Variants in ANKAR observed in about 807,000 individuals in gnomAD.
The protein encoded by ANKAR is ankyrin and armadillo repeat-containing protein.
A neutral mutation model predicts 146.2 loss-of-function variants in ANKAR; 136 were observed. The ratio of observed to expected loss-of-function variants is 0.93; its 90% CI spans 0.81 to 1.07. ANKAR has a LOEUF of 1.07. Ranked by LOEUF, ANKAR falls within the 50% of genes least tolerant of loss-of-function variation. ANKAR has a pLI of 0.00. For synonymous variants in ANKAR, 500 were observed against 575.8 expected (o/e 0.87, Z 1.88); for missense variants, 1,567 against 1,679.9 (o/e 0.93, Z 1.18).
chr2:189,721,936 C>T (rs2041289913), intron 12 of ANKAR, among the ~76,000 whole-genome samples: 1 of 152,160 alleles, frequency 6.6e-6, no homozygotes, highest in South Asian at 2.1e-4. Context: ...TTTCTAAGAA[C>T]CTCTATCGTG....
intron 22 of ANKAR, among the ~76,000 whole-genome samples, chr2:189,745,030 A>ACTACTACTACTACTACTAC (rs1380926394): frequency 0.041 from 2,668 of 65,048 alleles, 74 homozygotes; most frequent in East Asian, 0.13. Flanking sequence ...ACTACTACTA[A>ACTACTACTACTACTACTAC]TAATACAAAA....
At chr2:189,745,051 C>T (rs927979435) in intron 22 of ANKAR, among the ~76,000 whole-genome samples, 1 of 57,820 alleles carries the variant, frequency 1.7e-5, no homozygotes, top group Non-Finnish European at 5.1e-5. Flanking sequence ...ATTAGCCAGG[C>T]ATGGTGGCGC....
intron 6 of ANKAR, 99 bp downstream of exon 6, chr2:189,695,260 TAA>T: frequency 9.9e-7 from 1 of 1,013,696 alleles, no homozygotes; most frequent in Non-Finnish European, 1.4e-6. Context: ...AATAATAGGT[TAA>T]AGTCTTCAAC....
intron 16 of ANKAR, 84 bp from the exon 17 acceptor site, chr2:189,733,023 T>C: frequency 7.8e-7 from 1 of 1,285,710 alleles, no homozygotes; most frequent in Admixed American, 2.6e-5. Context: ...TTCCACAATG[T>C]ATTCTATATA....
In ANKAR at chr2:189,735,014, A is replaced by C. The variant is rs1277124980; in HGVS notation, c.3423+1785A>C. Among the ~76,000 whole-genome samples the C allele has an allele frequency of 2.0e-5, 3 of 150,150 alleles. No homozygotes were observed. The East Asian group carries it at 5.8e-4, about 29-fold the overall frequency. ...TATTTACAGTAGAGTAAAAAAAAAT[A>C]TATATATAAAATATATATATATGTG... On this transcript the variant is annotated intron_variant, in intron 17 of 22. Coordinates refer to ENST00000684021, the MANE Select transcript of ANKAR (RefSeq NM_001378068.1).
chr2:189,697,093 A>G (rs989137664), intron 7 of ANKAR, among the ~76,000 whole-genome samples: 1 of 152,156 alleles, frequency 6.6e-6, no homozygotes, highest in Non-Finnish European at 1.5e-5. Context: ...AAAGGAAAAT[A>G]TAGATAAATT....
At chr2:189,753,946 T>C (rs371382929) in intron 18 of ANKAR, 2 of 1,613,752 alleles carry the variant, frequency 1.2e-6, no homozygotes, top group Non-Finnish European at 1.7e-6. Flanking sequence ...GTAACAAGTC[T>C]CTCTGCTTAC....
intron 18 of ANKAR, chr2:189,754,189 G>T (rs780405705): frequency 6.2e-7 from 1 of 1,613,746 alleles, no homozygotes; most frequent in South Asian, 1.1e-5. Context: ...ACGTGTTGAA[G>T]TCCAGTAAAA....
chr2:189,753,345 T>C (rs2045586188), intron 18 of ANKAR, among the ~76,000 whole-genome samples: 2 of 152,200 alleles, frequency 1.3e-5, no homozygotes, highest in Non-Finnish European at 1.5e-5. Flanking sequence ...ATTCCATCTA[T>C]GAATTACTAC....
chr2:189,714,835 A>G (rs2040199393), intron 10 of ANKAR, among the ~76,000 whole-genome samples: 2 of 151,350 alleles, frequency 1.3e-5, no homozygotes, highest in Admixed American at 6.6e-5. Context: ...AGTCCCGGCT[A>G]CTTGGGAGGC....
chr2:189,743,033 C>T (rs1333278589), intron 20 of ANKAR, among the ~76,000 whole-genome samples: 2 of 148,984 alleles, frequency 1.3e-5, no homozygotes, highest in South Asian at 2.1e-4. Context: ...TTAAACACTC[C>T]AGGTGGTTCT....
At chr2:189,754,489 T>C (rs1056386707) in intron 18 of ANKAR, 1 of 728,386 alleles carries the variant, frequency 1.4e-6, no homozygotes, top group Non-Finnish European at 2.2e-6. Flanking sequence ...ATATAGACTA[T>C]AGCTGATATT....
chr2:189,677,085 TC>T lies in ANKAR; in HGVS notation c.596del (p.Ser199Ter), dbSNP rs2033809893. 1.3e-6 allele frequency: 2 copies of T among 1,539,088 alleles called. No homozygotes were observed. The highest frequency in any genetic ancestry group is 4.5e-5 in the East Asian group (2 of 44,378). On this transcript the variant is annotated frameshift_variant, in exon 2 of 23. Coordinates refer to ENST00000684021, the MANE Select transcript of ANKAR (RefSeq NM_001378068.1). LOFTEE classifies it high-confidence loss of function. ...TNKDIFSEFS[S>X]AGLTDITKDP... Reference sequence around the variant, plus strand: ...TAAAGACATTTTTTCAGAGTTTAGTTCAGCAGGTAAGAGAATTTAACACTTC... The same window carrying T: ...TAAAGACATTTTTTCAGAGTTTAGTTAGCAGGTAAGAGAATTTAACACTTC...
intron 17 of ANKAR, among the ~76,000 whole-genome samples, chr2:189,735,827 C>T (rs1315683167): frequency 1.3e-5 from 2 of 152,146 alleles, no homozygotes; most frequent in Non-Finnish European, 2.9e-5. Flanking sequence ...AATTTAGTTA[C>T]TGTTATTCTA....
intron 10 of ANKAR, among the ~76,000 whole-genome samples, chr2:189,716,749 C>A (rs2040518146): frequency 6.6e-6 from 1 of 152,008 alleles, no homozygotes; most frequent in Non-Finnish European, 1.5e-5. Flanking sequence ...GAGATATAGA[C>A]CAATGGAACA....
At chr2:189,692,991 G>T in intron 4 of ANKAR, 83 bp from the exon 5 acceptor site, 1 of 707,926 alleles carries the variant, frequency 1.4e-6, no homozygotes, top group Non-Finnish European at 2.3e-6. Context: ...TCATTTACAT[G>T]TATACTCTTT....
At chr2:189,686,243 G>A (rs1322543319) in intron 2 of ANKAR, among the ~76,000 whole-genome samples, 1 of 152,128 alleles carries the variant, frequency 6.6e-6, no homozygotes, top group Admixed American at 6.6e-5. Context: ...AAAGAAAGGA[G>A]GGGATACATT....
chr2:189,714,383 T>G (rs1276099158), intron 10 of ANKAR, among the ~76,000 whole-genome samples: 1 of 151,482 alleles, frequency 6.6e-6, no homozygotes, highest in Admixed American at 6.6e-5. Context: ...TCAGCAAATG[T>G]AAAAGAAAAG....
At chr2:189,732,639 C>G (rs939418676) in intron 16 of ANKAR, among the ~76,000 whole-genome samples, 11 of 110,552 alleles carry the variant, frequency 1.0e-4, no homozygotes, top group African/African-American at 3.9e-4. Flanking sequence ...CCAGCCTGGG[C>G]AACAGAGCAA....
Sources: gnomAD v4.1 joint callset for allele counts (sites outside exome capture counted in the v4.1 genomes callset) on GRCh38, gnomAD v4.1.1 for gene constraint, MANE v1.5 for transcripts, NCBI Gene and HGNC (gene_info 2026-07-23, HGNC 2026-07-21) for gene names.